SCAP: variants seen among roughly 807,000 people sequenced by gnomAD.
The protein encoded by SCAP is SREBF chaperone.
A neutral mutation model predicts 123.6 loss-of-function variants in SCAP; 65 were observed. That is an observed-to-expected ratio of 0.53 (90% CI 0.43 to 0.65). The LOEUF (loss-of-function observed/expected upper bound fraction) is 0.65. Ranked by LOEUF, SCAP falls within the 30% of genes least tolerant of loss-of-function variation. SCAP has a pLI of 0.00. For missense variants in SCAP, 1,398 were observed against 1,712.5 expected (o/e 0.82, Z 3.24); for synonymous variants, 740 against 726.3 (o/e 1.02, Z -0.30).
intron 1 of SCAP, among the ~76,000 whole-genome samples, chr3:47,448,002 CAAAAAAAAAAAA>C (rs35075035): frequency 6.0e-5 from 4 of 66,306 alleles, no homozygotes; most frequent in Admixed American, 2.6e-4. Flanking sequence ...GACTCCGTCT[CAAAAAAAAAAAA>C]AAAAAAAAAA....
At chr3:47,458,845 G>A (rs138628590) in intron 1 of SCAP, among the ~76,000 whole-genome samples, 1 of 152,290 alleles carries the variant, frequency 6.6e-6, no homozygotes, top group Non-Finnish European at 1.5e-5. Flanking sequence ...TGCTCTTGTT[G>A]CCCAGGCTGA....
At chr3:47,468,990 GAT>G (rs761372739) in intron 1 of SCAP, among the ~76,000 whole-genome samples, 6 of 152,306 alleles carry the variant, frequency 3.9e-5, no homozygotes, top group Non-Finnish European at 7.4e-5. Flanking sequence ...TCTGGAAATG[GAT>G]AGTGATGATG....
rs754447626 is a variant in SCAP, at chr3:47,427,161, C to G, written c.733G>C (p.Ala245Pro). Reference protein sequence around the residue: ...TITLVFQHYHAKFLGSLRARL... With the variant: ...TITLVFQHYHPKFLGSLRARL... ...CCAGGGTACTGTCAATCTTACTTGG[C>G]ATGGTAGTGCTGGAAGACCAGGGTG... is the stretch of plus-strand genomic sequence containing the variant. The change falls in exon 6 of 23, where the codon GCC becomes CCC. Residue 245 changes from alanine to proline, a missense_variant. Ala to Pro is a conservative substitution (Grantham distance 27). This residue lies in a region of SCAP where 319 missense variants were observed against 432.4 expected (regional missense o/e 0.74). Coordinates refer to ENST00000265565, the MANE Select transcript of SCAP (RefSeq NM_012235.4). 31 of 1,611,348 alleles carry G rather than the reference C, an allele frequency of 1.9e-5. No homozygotes were observed. The African/African-American group carries it at 3.9e-4, about 20-fold the overall frequency.
chr3:47,471,211 AAAGGC>A (rs962018152), intron 1 of SCAP, among the ~76,000 whole-genome samples: 3 of 152,234 alleles, frequency 2.0e-5, no homozygotes, highest in Non-Finnish European at 4.4e-5. Flanking sequence ...GGAGGCAGGG[AAAGGC>A]AAGGCTCAGA....
intron 1 of SCAP, among the ~76,000 whole-genome samples, chr3:47,444,858 G>A (rs897972849): frequency 4.6e-5 from 7 of 151,050 alleles, no homozygotes; most frequent in South Asian, 2.1e-4. Context: ...TGAAATCTCT[G>A]TCTCCTGGGT....
rs376602798 is a variant in SCAP at position 47,414,783 on chromosome 3, C to T, written c.3306+44G>A. 3.4e-5 allele frequency: 54 copies of T among 1,597,442 alleles called. 1 individual carries two copies. In the East Asian group the frequency reaches 3.6e-4, roughly 11 times the overall value. On this transcript the variant is annotated intron_variant, in intron 20 of 22. Transcript: ENST00000265565. ...TGACGAATGCATCAGGCTCCCACCC[C>T]GTGCCGGGCCACTCCAGCACCCAAG...
chr3:47,443,833 CTA>C (rs1341267581), intron 1 of SCAP, among the ~76,000 whole-genome samples: 23 of 152,280 alleles, frequency 1.5e-4, no homozygotes, highest in Non-Finnish European at 1.5e-5. Flanking sequence ...CCTGGATTAA[CTA>C]TGAGTCAAGG....
intron 6 of SCAP, among the ~76,000 whole-genome samples, chr3:47,426,674 T>A (rs1706145418): frequency 1.3e-5 from 2 of 152,162 alleles, no homozygotes; most frequent in African/African-American, 4.8e-5. Context: ...CCTGACCTCA[T>A]GATCCGCCTG....
intron 5 of SCAP, 31 bp from the exon 6 acceptor site, chr3:47,427,293 A>G: frequency 6.3e-7 from 1 of 1,585,058 alleles, no homozygotes; most frequent in South Asian, 1.1e-5. Context: ...GTACTGACAC[A>G]GAAATGACAG....
intron 7 of SCAP, 149 bp downstream of exon 7, chr3:47,425,848 C>A (rs1401058329): frequency 5.0e-6 from 5 of 994,634 alleles, no homozygotes; most frequent in Non-Finnish European, 7.3e-6. Flanking sequence ...CTCCTAAGAC[C>A]CTGCTGGGGG....
intron 1 of SCAP, among the ~76,000 whole-genome samples, chr3:47,444,787 CTTTTTTT>C (rs111695253): frequency 7.5e-6 from 1 of 133,320 alleles, no homozygotes; most frequent in African/African-American, 2.8e-5. Flanking sequence ...TACTTCATTA[CTTTTTTT>C]TTTTTGAGAT....
At chr3:47,456,345 G>C (rs1707423971) in intron 1 of SCAP, among the ~76,000 whole-genome samples, 1 of 152,146 alleles carries the variant, frequency 6.6e-6, no homozygotes, top group South Asian at 2.1e-4. Context: ...CCAGGCTGTA[G>C]TGAGCCATGA....
Position 47,418,664 on chromosome 3 carries a change from G to A in SCAP, c.2120C>T (p.Thr707Met), listed in dbSNP as rs867345228. The change falls in exon 14 of 23, where the codon ACG (threonine) becomes ATG (methionine). Residue 707 changes from threonine to methionine, a missense_variant. Physicochemically the swap from Thr to Met is moderately conservative, Grantham distance 81. This residue lies in a region of SCAP where 828 missense variants were observed against 882.5 expected (regional missense o/e 0.94). Transcript: ENST00000265565. ...CACCCAGCAGCCTTACTTGTACAGC[G>A]TGACGTCTCCATGGGCCTGCACCCC... ...PGGVQAHGDV[T>M]LYKVAALGLA... is the part of the protein sequence containing the mutation. The A allele has an allele frequency of 1.3e-5, 18 of 1,368,742 alleles. No homozygotes were observed. Among genetic ancestry groups the A allele is most frequent in the Admixed American group, 1.2e-4 (6 of 51,362 alleles). 84.8% of individuals were successfully genotyped at this position (1,368,742 alleles called of 1,614,324 possible).
At position 47,418,617 on chromosome 3, in the gene SCAP, C is replaced by T. The variant is rs113000966; in HGVS notation, c.2129+38G>A. On this transcript the variant is annotated intron_variant, in intron 14 of 22. Coordinates refer to ENST00000265565, the MANE Select transcript of SCAP (RefSeq NM_012235.4). ...ACTCTTGCCTACCCGTCCCCCTCCC[C>T]GCACTCTTTCCCACCCCACCCCACC... 323 of 1,537,814 alleles carry T rather than the reference C, an allele frequency of 2.1e-4. No homozygotes were observed. The African/African-American group carries it at 3.9e-3, about 18-fold the overall frequency.
At chr3:47,457,146 A>G (rs1462775407) in intron 1 of SCAP, among the ~76,000 whole-genome samples, 2 of 152,210 alleles carry the variant, frequency 1.3e-5, no homozygotes, top group African/African-American at 4.8e-5. Context: ...TAAATGCACA[A>G]AACACCTGGG....
chr3:47,475,047 A>G (rs1367695813), intron 1 of SCAP, among the ~76,000 whole-genome samples: 1 of 152,206 alleles, frequency 6.6e-6, no homozygotes, highest in African/African-American at 2.4e-5. Context: ...TAAGTATTAC[A>G]AAATCCCCAG....
At chr3:47,417,006 G>A (rs1705610096) in intron 18 of SCAP, 116 bp downstream of exon 18, 4 of 863,854 alleles carry the variant, frequency 4.6e-6, no homozygotes, top group Non-Finnish European at 7.3e-6. Flanking sequence ...GCACCAAGAA[G>A]GTCAATCGAA....
chr3:47,437,920 A>G (rs1231788350), intron 2 of SCAP, among the ~76,000 whole-genome samples: 1 of 152,208 alleles, frequency 6.6e-6, no homozygotes, highest in East Asian at 1.9e-4. Flanking sequence ...AGCTTAGTAG[A>G]TGATACCAAA....
chr3:47,447,417 C>T (rs1018931637), intron 1 of SCAP, among the ~76,000 whole-genome samples: 2 of 151,948 alleles, frequency 1.3e-5, no homozygotes, highest in Non-Finnish European at 2.9e-5. Flanking sequence ...AGGCCAGGCG[C>T]GGTGGCTCAC....
Sources: gnomAD v4.1 joint callset for allele counts (sites outside exome capture counted in the v4.1 genomes callset) on GRCh38, gnomAD v4.1.1 for gene constraint, gnomAD v4.1.1 regional missense constraint, MANE v1.5 for transcripts, NCBI Gene and HGNC (gene_info 2026-07-23, HGNC 2026-07-21) for gene names.